Variants in AHI1 observed in about 807,000 individuals in gnomAD.
AHI1 encodes jouberin.
In AHI1, 123 loss-of-function variants were observed where a neutral mutation model predicts 149.3. The ratio of observed to expected loss-of-function variants is 0.82; its 90% CI spans 0.71 to 0.96. The LOEUF is 0.96. Among genes scored for constraint, AHI1 ranks in the 40% least tolerant of loss-of-function variants. AHI1 has a pLI of 0.00. For synonymous variants in AHI1, 475 were observed against 459.8 expected (o/e 1.03, Z -0.42); for missense variants, 1,439 against 1,422.7 (o/e 1.01, Z -0.18).
chr6:135,409,668 C>G (rs146546511), intron 21 of AHI1, among the ~76,000 whole-genome samples: 88 of 152,242 alleles, frequency 5.8e-4, no homozygotes, highest in African/African-American at 1.9e-3. Flanking sequence ...TCGAAGGTAG[C>G]TTAGTTCCTA....
intron 24 of AHI1, among the ~76,000 whole-genome samples, chr6:135,347,690 CAT>C (rs1489947964): frequency 1.3e-5 from 2 of 152,112 alleles, no homozygotes; most frequent in African/African-American, 4.8e-5. Context: ...TTCAAATTAT[CAT>C]AGAGGAAAGG....
intron 20 of AHI1, among the ~76,000 whole-genome samples, chr6:135,416,131 T>A (rs1782343389): frequency 6.6e-6 from 1 of 152,082 alleles, no homozygotes; most frequent in African/African-American, 2.4e-5. Context: ...GTTTATAATA[T>A]GTCAATTATA....
At chr6:135,303,790 G>C (rs1784197009) in intron 26 of AHI1, among the ~76,000 whole-genome samples, 2 of 152,182 alleles carry the variant, frequency 1.3e-5, no homozygotes, top group Admixed American at 6.5e-5. Context: ...TACTCTGGGT[G>C]AAACTAGGTT....
chr6:135,297,301 C>G, intron 27 of AHI1: 1 of 370,392 alleles, frequency 2.7e-6, no homozygotes, highest in Non-Finnish European at 5.3e-6. Flanking sequence ...TCCCCAACTC[C>G]AAGACACTAA....
intron 11 of AHI1, 51 bp from the exon 12 acceptor site, chr6:135,448,526 T>A: frequency 1.5e-6 from 2 of 1,307,406 alleles, no homozygotes; most frequent in South Asian, 4.5e-5. Flanking sequence ...AATAAATATA[T>A]CCAATAAAGC....
At chr6:135,293,489 G>A (rs1583535539) in intron 27 of AHI1, among the ~76,000 whole-genome samples, 3 of 150,050 alleles carry the variant, frequency 2.0e-5, no homozygotes, top group Non-Finnish European at 4.4e-5. Flanking sequence ...TTATTTGCAC[G>A]ATTGTCTGTC....
chr6:135,475,546 T>C (rs1583428535), intron 5 of AHI1, among the ~76,000 whole-genome samples: 1 of 152,328 alleles, frequency 6.6e-6, no homozygotes. Flanking sequence ...TCTGAGCAGC[T>C]GAGGTCGGTG....
chr6:135,385,099 C>G (rs1395867675), intron 23 of AHI1, among the ~76,000 whole-genome samples: 1 of 151,906 alleles, frequency 6.6e-6, no homozygotes, highest in Non-Finnish European at 1.5e-5. Context: ...CCCCACCTCC[C>G]AAAAAAGTAA....
intron 23 of AHI1, among the ~76,000 whole-genome samples, chr6:135,384,587 A>G (rs1157955997): frequency 6.6e-6 from 1 of 152,202 alleles, no homozygotes; most frequent in Non-Finnish European, 1.5e-5. Context: ...TATTAATAAC[A>G]TCTTCAAAAT....
intron 11 of AHI1, among the ~76,000 whole-genome samples, chr6:135,451,853 T>A (rs931162925): frequency 3.3e-5 from 5 of 151,660 alleles, no homozygotes; most frequent in Non-Finnish European, 5.9e-5. Flanking sequence ...TTTTTTTTTT[T>A]AATGGCTTTT....
intron 5 of AHI1, among the ~76,000 whole-genome samples, chr6:135,484,712 A>G (rs1388362830): frequency 6.6e-6 from 1 of 151,952 alleles, no homozygotes; most frequent in East Asian, 1.9e-4. Context: ...TAATGCTATG[A>G]CTATAAAAAT....
At chr6:135,323,087 A>G in intron 25 of AHI1, 75 bp downstream of exon 25, 1 of 1,422,692 alleles carries the variant, frequency 7.0e-7, no homozygotes, top group Non-Finnish European at 9.4e-7. Context: ...AGTAAATTAA[A>G]GACTAGAAAA....
At position 135,490,665 on chromosome 6, in the gene AHI1, T is replaced by C; in HGVS notation, c.93A>G (p.Lys31=). 6.2e-7 allele frequency: 1 copy of C among 1,613,744 alleles called. No homozygotes were observed. The highest frequency in any genetic ancestry group is 8.5e-7 in the Non-Finnish European group (1 of 1,179,732). Residue 31 remains lysine (K), a synonymous_variant, in exon 5 of 29, where the codon AAA becomes AAG. Coordinates refer to ENST00000265602, the MANE Select transcript of AHI1 (RefSeq NM_001134831.2). ...KTHSDLMREK[K]KLKKKLVRSE... ...ACCTGACAAGTTTTTTCTTCAGTTT[T>C]TTCTTTTCACGCATTAGATCACTGT...
At chr6:135,287,372 C>T (rs1292427824) in intron 28 of AHI1, among the ~76,000 whole-genome samples, 1 of 152,162 alleles carries the variant, frequency 6.6e-6, no homozygotes, top group Non-Finnish European at 1.5e-5. Context: ...AAGAAACACA[C>T]TGGATAGAGA....
chr6:135,343,528 A>T (rs989154628), intron 24 of AHI1, among the ~76,000 whole-genome samples: 8 of 151,816 alleles, frequency 5.3e-5, no homozygotes, highest in African/African-American at 1.9e-4. Flanking sequence ...TGCTGACCAT[A>T]GAATAGGCGT....
intron 23 of AHI1, among the ~76,000 whole-genome samples, chr6:135,369,102 C>A (rs1180207217): frequency 2.0e-5 from 3 of 152,242 alleles, no homozygotes; most frequent in Non-Finnish European, 2.9e-5. Flanking sequence ...GCTCTTCCCA[C>A]TGCTTCCTCT....
chr6:135,383,589 C>A (rs1195042831), intron 23 of AHI1, among the ~76,000 whole-genome samples: 1 of 151,572 alleles, frequency 6.6e-6, no homozygotes, highest in Non-Finnish European at 1.5e-5. Context: ...TCTTGCTCAG[C>A]CAGAATGGAA....
At chr6:135,290,687 G>A (rs1009614863) in intron 27 of AHI1, among the ~76,000 whole-genome samples, 162 bp from the exon 28 acceptor site, 4 of 152,124 alleles carry the variant, frequency 2.6e-5, no homozygotes, top group African/African-American at 7.2e-5. Flanking sequence ...GAGTATACAC[G>A]GGGATGAGAG....
intron 23 of AHI1, among the ~76,000 whole-genome samples, chr6:135,390,062 G>GT (rs1203178032): frequency 1.3e-5 from 2 of 151,688 alleles, no homozygotes; most frequent in South Asian, 2.1e-4. Context: ...TAGTATTAGC[G>GT]TATCTTATGT....
Sources: gnomAD v4.1 joint callset for allele counts (sites outside exome capture counted in the v4.1 genomes callset) on GRCh38, gnomAD v4.1.1 for gene constraint, MANE v1.5 for transcripts, NCBI Gene and HGNC (gene_info 2026-07-23, HGNC 2026-07-21) for gene names.